CLOCK: variants seen among roughly 807,000 people sequenced by gnomAD.
The protein encoded by CLOCK is circadian locomoter output cycles protein kaput.
CLOCK carries 43 observed loss-of-function variants against 118.4 expected under a neutral mutation model. That is an observed-to-expected ratio of 0.36 (90% CI 0.28 to 0.47). The LOEUF (loss-of-function observed/expected upper bound fraction) is 0.47, where lower values mean the gene tolerates loss of function less well. Ranked by LOEUF, CLOCK falls within the 20% of genes least tolerant of loss-of-function variation. The pLI is 1.00. For missense variants in CLOCK, 846 were observed against 999.9 expected (o/e 0.85, Z 2.08); for synonymous variants, 326 against 339.2 (o/e 0.96, Z 0.43).
In CLOCK at chr4:55,505,416, C is replaced by A. The variant is rs144366729; in HGVS notation, c.-136+4496G>T. Among the ~76,000 whole-genome samples, 426 of 152,138 alleles carry A rather than the reference C, an allele frequency of 2.8e-3. 2 individuals are homozygous for A. Among genetic ancestry groups the A allele is most frequent in the African/African-American group, 0.01 (421 of 41,524 alleles). On this transcript the variant is annotated intron_variant, in intron 2 of 22. Coordinates refer to ENST00000513440, the MANE Select transcript of CLOCK (RefSeq NM_004898.4). ...AGGTGGCTCACACCTGTAATCCCAGCGCTTTGGGAGGCGGAGGCAGGCAGA... is the reference window on the plus strand; with the variant it reads ...AGGTGGCTCACACCTGTAATCCCAGAGCTTTGGGAGGCGGAGGCAGGCAGA...
intron 21 of CLOCK, 101 bp downstream of exon 21, chr4:55,442,331 C>G: frequency 1.0e-6 from 1 of 983,072 alleles, no homozygotes; most frequent in Non-Finnish European, 1.6e-6. Flanking sequence ...GTGAGCATCT[C>G]ATTAAAATCA....
At chr4:55,444,253 T>G (rs12647677) in intron 19 of CLOCK, among the ~76,000 whole-genome samples, 1 of 151,994 alleles carries the variant, frequency 6.6e-6, no homozygotes, top group African/African-American at 2.4e-5. Flanking sequence ...GTTGGTCATA[T>G]AAGACTAATT....
intron 1 of CLOCK, among the ~76,000 whole-genome samples, chr4:55,518,380 C>A (rs1313043806): frequency 6.6e-6 from 1 of 152,180 alleles, no homozygotes; most frequent in Non-Finnish European, 1.5e-5. Flanking sequence ...GATTTTCCCA[C>A]AGGGTATTAA....
intron 1 of CLOCK, among the ~76,000 whole-genome samples, chr4:55,514,287 T>C (rs1729343455): frequency 6.6e-6 from 1 of 152,126 alleles, no homozygotes; most frequent in African/African-American, 2.4e-5. Flanking sequence ...CTTCCATTCA[T>C]ATCCCAATAC....
chr4:55,519,362 C>T (rs75174364), intron 1 of CLOCK, among the ~76,000 whole-genome samples: 6,539 of 152,246 alleles, frequency 0.043, 445 homozygotes, highest in African/African-American at 0.15. Flanking sequence ...TGCAGTCCTG[C>T]AATTCTTTTT....
At chr4:55,513,051 A>T (rs958626199) in intron 1 of CLOCK, among the ~76,000 whole-genome samples, 3 of 152,100 alleles carry the variant, frequency 2.0e-5, no homozygotes. Flanking sequence ...TGTACAGTGT[A>T]TATAAAGTCT....
chr4:55,498,986 T>A (rs1278693920), intron 2 of CLOCK, among the ~76,000 whole-genome samples: 1 of 152,262 alleles, frequency 6.6e-6, no homozygotes, highest in Non-Finnish European at 1.5e-5. Flanking sequence ...GCCCATGCAG[T>A]ACATCTGTAT....
chr4:55,451,662 C>A (rs941102653), intron 15 of CLOCK, among the ~76,000 whole-genome samples: 10 of 152,084 alleles, frequency 6.6e-5, no homozygotes, highest in African/African-American at 2.2e-4. Context: ...TGAATCTTTG[C>A]ATAAGGGAAA....
At chr4:55,492,156 T>A (rs534948947) in intron 2 of CLOCK, among the ~76,000 whole-genome samples, 1 of 152,008 alleles carries the variant, frequency 6.6e-6, no homozygotes, top group African/African-American at 2.4e-5. Flanking sequence ...ATACTACCAA[T>A]CCAAACGCAA....
Position 55,484,187 on chromosome 4 carries a change from A to ATT in CLOCK, c.-43-1361_-43-1360dup, listed in dbSNP as rs35700616. 4.6e-5 allele frequency among the ~76,000 whole-genome samples: 7 copies of ATT among 151,256 alleles called. No homozygotes were observed. The South Asian group carries it at 1.5e-3, about 32-fold the overall frequency. On this transcript the variant is annotated intron_variant, in intron 3 of 22. Coordinates refer to ENST00000513440, the MANE Select transcript of CLOCK (RefSeq NM_004898.4). ...AGTAGAACTGTGAGGGGCTCAGAAT[A>ATT]TTTTTTTTTCTTTTTGTTTTTGAGA...
At chr4:55,498,791 T>C (rs1728252577) in intron 2 of CLOCK, among the ~76,000 whole-genome samples, 1 of 152,054 alleles carries the variant, frequency 6.6e-6, no homozygotes. Context: ...TGAGGACGTG[T>C]AGGTAGTACA....
intron 4 of CLOCK, among the ~76,000 whole-genome samples, chr4:55,480,341 T>C (rs560262016): frequency 6.6e-6 from 1 of 152,334 alleles, no homozygotes; most frequent in Non-Finnish European, 1.5e-5. Context: ...CATGGCTCAC[T>C]GCAGCCTCAA....
intron 1 of CLOCK, among the ~76,000 whole-genome samples, chr4:55,514,382 CT>C (rs145083554): frequency 1.8e-4 from 27 of 152,200 alleles, no homozygotes; most frequent in African/African-American, 6.5e-4. Flanking sequence ...ATTTACCACT[CT>C]GAAGCACAAT....
At chr4:55,525,030 G>A (rs1730087643) in intron 1 of CLOCK, among the ~76,000 whole-genome samples, 1 of 152,058 alleles carries the variant, frequency 6.6e-6, no homozygotes, top group African/African-American at 2.4e-5. Context: ...TCTTTTAGGA[G>A]GGACAGAAAT....
chr4:55,435,972 T>G (rs923778761), intron 22 of CLOCK, among the ~76,000 whole-genome samples: 2 of 152,170 alleles, frequency 1.3e-5, no homozygotes, highest in African/African-American at 4.8e-5. Flanking sequence ...AGACAGACAA[T>G]GCCTTCTGCA....
At chr4:55,542,649 T>C (rs993633661) in intron 1 of CLOCK, among the ~76,000 whole-genome samples, 1 of 151,900 alleles carries the variant, frequency 6.6e-6, no homozygotes, top group Non-Finnish European at 1.5e-5. Flanking sequence ...TATTAGTTGT[T>C]TGTTGTCAGT....
chr4:55,506,727 T>C (rs1276647261), intron 2 of CLOCK, among the ~76,000 whole-genome samples: 1 of 151,896 alleles, frequency 6.6e-6, no homozygotes, highest in Non-Finnish European at 1.5e-5. Context: ...ACCTGGCTAA[T>C]TTTTTGTATT....
At chr4:55,494,598 A>T (rs1483024221) in intron 2 of CLOCK, among the ~76,000 whole-genome samples, 1 of 152,104 alleles carries the variant, frequency 6.6e-6, no homozygotes, top group East Asian at 1.9e-4. Flanking sequence ...ATGAGGGATA[A>T]AAGACCATAC....
intron 22 of CLOCK, 24 bp downstream of exon 22, chr4:55,438,258 C>T (rs1226307998): frequency 1.2e-6 from 2 of 1,613,466 alleles, no homozygotes; most frequent in African/African-American, 1.3e-5. Context: ...GAGTTTGAAG[C>T]AGCTTCCCCA....
Sources: gnomAD v4.1 joint callset for allele counts (sites outside exome capture counted in the v4.1 genomes callset) on GRCh38, gnomAD v4.1.1 for gene constraint, MANE v1.5 for transcripts, NCBI Gene and HGNC (gene_info 2026-07-23, HGNC 2026-07-21) for gene names.